Variants in OXR1 observed in about 807,000 individuals in gnomAD.
OXR1 encodes oxidation resistance 1, also known as oxidation resistance protein 1.
In OXR1, 41 loss-of-function variants were observed where a neutral mutation model predicts 104.6. That is an observed-to-expected ratio of 0.39 (90% CI 0.31 to 0.51). The LOEUF (loss-of-function observed/expected upper bound fraction) is 0.51. Among genes scored for constraint, OXR1 ranks in the 20% least tolerant of loss-of-function variants. OXR1 has a pLI of 0.77. For missense variants in OXR1, 955 were observed against 1,031.9 expected (o/e 0.93, Z 1.02); for synonymous variants, 348 against 348.4 (o/e 1.00, Z 0.01).
intron 2 of OXR1, among the ~76,000 whole-genome samples, chr8:106,465,098 T>G (rs1821104545): frequency 6.6e-6 from 1 of 151,968 alleles, no homozygotes; most frequent in Admixed American, 6.6e-5. Flanking sequence ...AAGGGGGATG[T>G]AAAATGTTGG....
intron 3 of OXR1, among the ~76,000 whole-genome samples, chr8:106,622,597 T>C (rs1195406978): frequency 6.6e-6 from 1 of 152,138 alleles, no homozygotes; most frequent in East Asian, 1.9e-4. Flanking sequence ...TTGCAATTTG[T>C]GTGCCCTCTA....
chr8:106,330,801 C>G (rs1814684238), intron 1 of OXR1, among the ~76,000 whole-genome samples: 1 of 152,144 alleles, frequency 6.6e-6, no homozygotes, highest in Admixed American at 6.5e-5. Context: ...CAGCATTGAA[C>G]CATTCAACCA....
intron 3 of OXR1, among the ~76,000 whole-genome samples, chr8:106,619,422 A>G (rs1821509785): frequency 6.6e-6 from 1 of 152,178 alleles, no homozygotes; most frequent in Non-Finnish European, 1.5e-5. Context: ...CCAGTTCAGC[A>G]CACAGATACT....
chr8:106,430,448 G>C (rs763683253), intron 2 of OXR1, among the ~76,000 whole-genome samples: 6 of 152,164 alleles, frequency 3.9e-5, no homozygotes, highest in Non-Finnish European at 7.3e-5. Context: ...AGGAAGAAAA[G>C]TTCATTGATT....
intron 2 of OXR1, among the ~76,000 whole-genome samples, chr8:106,459,380 A>G (rs1037897943): frequency 1.3e-5 from 2 of 152,078 alleles, no homozygotes; most frequent in African/African-American, 4.8e-5. Context: ...CCCTCATAAG[A>G]TGCTGGCACT....
intron 2 of OXR1, among the ~76,000 whole-genome samples, chr8:106,372,928 T>C (rs1471979011): frequency 1.3e-5 from 2 of 152,176 alleles, no homozygotes; most frequent in African/African-American, 4.8e-5. Context: ...ATTCAGAATA[T>C]ACAAGTCACC....
intron 3 of OXR1, among the ~76,000 whole-genome samples, chr8:106,574,924 C>T (rs1034208455): frequency 2.0e-5 from 3 of 152,108 alleles, no homozygotes; most frequent in African/African-American, 7.2e-5. Flanking sequence ...ACTACAATTC[C>T]GTTAGCCAGA....
At chr8:106,535,426 A>G (rs549488801) in intron 3 of OXR1, among the ~76,000 whole-genome samples, 17 of 152,316 alleles carry the variant, frequency 1.1e-4, no homozygotes, top group South Asian at 8.3e-4. Flanking sequence ...TCCCTAATGT[A>G]AAAGAGTCTT....
intron 1 of OXR1, among the ~76,000 whole-genome samples, chr8:106,300,649 G>T (rs1020868056): frequency 6.6e-6 from 1 of 152,124 alleles, no homozygotes; most frequent in Non-Finnish European, 1.5e-5. Context: ...CTCATGTGTG[G>T]CATAAGGACT....
intron 2 of OXR1, among the ~76,000 whole-genome samples, chr8:106,403,896 T>C (rs1374085347): frequency 6.6e-6 from 1 of 152,042 alleles, no homozygotes; most frequent in African/African-American, 2.4e-5. Context: ...GGTCACACTT[T>C]GAACCTCACC....
intron 1 of OXR1, among the ~76,000 whole-genome samples, chr8:106,357,020 G>GC (rs889410409): frequency 8.0e-5 from 12 of 150,844 alleles, no homozygotes; most frequent in African/African-American, 2.9e-4. Context: ...CTCGTTGATT[G>GC]TTTTTTTTTA....
intron 2 of OXR1, among the ~76,000 whole-genome samples, chr8:106,389,981 G>T (rs984297375): frequency 3.3e-5 from 5 of 152,030 alleles, no homozygotes; most frequent in African/African-American, 7.2e-5. Flanking sequence ...CAGAAGAATT[G>T]CTTGAACCCG....
At chr8:106,714,025 T>A in intron 11 of OXR1, 40 bp downstream of exon 11, 8 of 1,445,006 alleles carry the variant, frequency 5.5e-6, no homozygotes, top group Non-Finnish European at 6.6e-6. Flanking sequence ...ATCTTTTTAG[T>A]TTGTATGAAT....
intron 3 of OXR1, among the ~76,000 whole-genome samples, chr8:106,674,602 G>A (rs879463001): frequency 1.2e-4 from 18 of 152,070 alleles, no homozygotes; most frequent in Admixed American, 3.9e-4. Flanking sequence ...AATTTGGGAG[G>A]GGCCAGGGGC....
At position 106,684,349 on chromosome 8, in the gene OXR1, A is replaced by G; in HGVS notation, c.515A>G (p.Asp172Gly). 3 of 1,535,554 alleles carry G rather than the reference A, an allele frequency of 2.0e-6. No homozygotes were observed. The highest frequency in any genetic ancestry group is 1.7e-4 in the Middle Eastern group (1 of 5,912). The change falls in exon 6 of 17, where the codon GAT becomes GGT. Residue 172 changes from aspartate (D) to glycine (G), a missense_variant. By Grantham distance (94) the Asp-to-Gly change is moderately conservative. Coordinates refer to ENST00000517566, the MANE Select transcript of OXR1 (RefSeq NM_001198533.2). ...CCAACATCATCTGAGGCTGAATTTG[A>G]TAAGACCACTGTAAGTATCTCTGCT... is the stretch of plus-strand genomic sequence containing the variant. ...LSPTSSEAEFDKTTNPDVHPT... is the reference protein window; with the variant it reads ...LSPTSSEAEFGKTTNPDVHPT...
At chr8:106,401,045 C>T (rs914168645) in intron 2 of OXR1, among the ~76,000 whole-genome samples, 2 of 152,052 alleles carry the variant, frequency 1.3e-5, no homozygotes, top group Admixed American at 6.6e-5. Flanking sequence ...AACTACATGA[C>T]AAATGTTTTT....
intron 2 of OXR1, among the ~76,000 whole-genome samples, chr8:106,368,455 A>C (rs1045466239): frequency 3.3e-5 from 5 of 151,650 alleles, no homozygotes; most frequent in African/African-American, 1.2e-4. Flanking sequence ...AAAAAATGGG[A>C]TATATGTGCA....
chr8:106,668,779 C>G (rs1174077460), intron 3 of OXR1, among the ~76,000 whole-genome samples: 1 of 152,194 alleles, frequency 6.6e-6, no homozygotes, highest in Non-Finnish European at 1.5e-5. Flanking sequence ...CTGGTGTTAA[C>G]TGTCACAAAT....
intron 2 of OXR1, among the ~76,000 whole-genome samples, chr8:106,377,193 C>A (rs1456309349): frequency 6.6e-6 from 1 of 151,762 alleles, no homozygotes; most frequent in East Asian, 1.9e-4. Context: ...ACACACTTTT[C>A]TTTTTTTTGA....
Sources: allele counts gnomAD v4.1 joint callset (sites outside exome capture counted in the v4.1 genomes callset), GRCh38; gene constraint gnomAD v4.1.1; transcripts MANE v1.5; gene names NCBI Gene and HGNC (gene_info 2026-07-23, HGNC 2026-07-21).